The following LRBA variants were observed in gnomAD, a reference collection of about 807,000 sequenced individuals.
The protein encoded by LRBA is LPS responsive beige-like anchor protein, also known as lipopolysaccharide-responsive and beige-like anchor protein.
In LRBA, 176 loss-of-function variants were observed where a neutral mutation model predicts 330.0. The ratio of observed to expected loss-of-function variants is 0.53; its 90% confidence interval spans 0.47 to 0.60. The LOEUF (loss-of-function observed/expected upper bound fraction) is 0.60, where lower values mean the gene tolerates loss of function less well. LRBA is among the 20% of genes least tolerant of loss of function. The probability of loss-of-function intolerance (pLI) is 0.00; values close to 1 mark genes in which losing one functional copy is unlikely to be tolerated. For synonymous variants in LRBA, 1,230 were observed against 1,193.0 expected (o/e 1.03, Z -0.64); for missense variants, 3,259 against 3,444.8 (o/e 0.95, Z 1.35).
rs966496189 is a variant in LRBA at position 150,541,198 on chromosome 4, G to A, written c.6330+46850C>T. Among the ~76,000 whole-genome samples the A allele has an allele frequency of 1.8e-4, 27 of 152,146 alleles. 1 individual carries two copies. Among genetic ancestry groups the A allele is most frequent in the Non-Finnish European group, 4.4e-5 (3 of 68,026 alleles). ...TTCCACGTATTATGTTTAAGTTCCA[G>A]GGAGGAAGAAGGGAAAGGAGAAGGA... is the stretch of plus-strand genomic sequence containing the variant. On this transcript the variant is annotated intron_variant, in intron 40 of 56. Transcript: ENST00000651943.
intron 34 of LRBA, among the ~76,000 whole-genome samples, chr4:150,784,302 C>T (rs1738703811): frequency 6.6e-6 from 1 of 152,190 alleles, no homozygotes; most frequent in African/African-American, 2.4e-5. Context: ...TTTAAAGCTG[C>T]TTCAGAAACG....
At chr4:150,732,406 G>A (rs1396768986) in intron 36 of LRBA, among the ~76,000 whole-genome samples, 1 of 151,936 alleles carries the variant, frequency 6.6e-6, no homozygotes, top group African/African-American at 2.4e-5. Flanking sequence ...TGTACTTTCT[G>A]TTAACAATAC....
At chr4:150,600,626 A>C (rs1396906715) in intron 37 of LRBA, among the ~76,000 whole-genome samples, 1 of 152,172 alleles carries the variant, frequency 6.6e-6, no homozygotes, top group Non-Finnish European at 1.5e-5. Context: ...AATACAAAAA[A>C]AGTATAAGAA....
At position 150,683,656 on chromosome 4, in the gene LRBA, ATC is replaced by A; in HGVS notation, c.5814_5815del (p.Leu1938PhefsTer8). ...GTGGTCACGATATTTTGCTGCTCTTATCAAATGATCACACATCTTCTCATCTT... is the reference window on the plus strand; with the variant it reads ...GTGGTCACGATATTTTGCTGCTCTTAAAATGATCACACATCTTCTCATCTT... On this transcript the variant is annotated frameshift_variant, in exon 37 of 57. Transcript: ENST00000651943. LOFTEE classifies it high-confidence loss of function. The A allele has an allele frequency of 1.2e-6, 2 of 1,613,880 alleles. No individual in the cohort carries two copies. Among genetic ancestry groups the A allele is most frequent in the Non-Finnish European group, 1.7e-6 (2 of 1,179,826 alleles).
chr4:150,704,681 T>C (rs965374130), intron 36 of LRBA, among the ~76,000 whole-genome samples: 1 of 152,168 alleles, frequency 6.6e-6, no homozygotes, highest in Non-Finnish European at 1.5e-5. Context: ...ACAAAATAAG[T>C]TGAAGCAGCA....
intron 28 of LRBA, among the ~76,000 whole-genome samples, chr4:150,842,749 A>G (rs1296198666): frequency 1.3e-5 from 2 of 152,216 alleles, no homozygotes; most frequent in Admixed American, 6.5e-5. Flanking sequence ...CCTCTTACTA[A>G]TTGTATAATC....
chr4:150,325,803 A>C lies in LRBA; in HGVS notation c.7452+6T>G, dbSNP rs1733171397. The C allele has an allele frequency of 6.3e-7, 1 of 1,596,618 alleles. No individual in the cohort carries two copies. The highest frequency in any genetic ancestry group is 8.6e-7 in the Non-Finnish European group (1 of 1,164,254). ...AAGAAATGAGGAGAGTAAAAATAGC[A>C]CTTACCACTTGCATGGCAGAACCTC... is the stretch of plus-strand genomic sequence containing the variant. On this transcript the variant is annotated splice_donor_region_variant and intron_variant, in intron 49 of 56. Transcript: ENST00000651943.
chr4:150,373,331 A>T (rs1354836), intron 47 of LRBA, among the ~76,000 whole-genome samples: 37,987 of 151,938 alleles, frequency 0.25, 4,852 homozygotes, highest in East Asian at 0.34. Context: ...ACATAGCAAC[A>T]AACAACCAAT....
intron 44 of LRBA, among the ~76,000 whole-genome samples, chr4:150,447,002 G>T (rs962949093): frequency 6.6e-6 from 1 of 152,006 alleles, no homozygotes; most frequent in Non-Finnish European, 1.5e-5. Flanking sequence ...ACTTATGAGG[G>T]ACTAGAAATA....
At chr4:150,495,962 T>A (rs1245872102) in intron 40 of LRBA, among the ~76,000 whole-genome samples, 2 of 152,202 alleles carry the variant, frequency 1.3e-5, no homozygotes, top group African/African-American at 4.8e-5. Context: ...AAGCTTTCAA[T>A]TGTTTTAAAT....
At chr4:150,460,124 T>G (rs1440093980) in intron 44 of LRBA, among the ~76,000 whole-genome samples, 1 of 151,654 alleles carries the variant, frequency 6.6e-6, no homozygotes, top group Admixed American at 6.6e-5. Context: ...CAGAGCAGAC[T>G]AAAAGGACTG....
At chr4:150,834,154 T>G (rs1328690462) in intron 28 of LRBA, among the ~76,000 whole-genome samples, 3 of 152,206 alleles carry the variant, frequency 2.0e-5, no homozygotes, top group Admixed American at 2.0e-4. Flanking sequence ...AAGTCATCCA[T>G]GAGAATTGTA....
chr4:150,488,988 TAA>T (rs1758251560), intron 41 of LRBA, among the ~76,000 whole-genome samples: 1 of 126,566 alleles, frequency 7.9e-6, no homozygotes, highest in Non-Finnish European at 1.6e-5. Flanking sequence ...ATATAACATA[TAA>T]TATATATAAG....
intron 35 of LRBA, among the ~76,000 whole-genome samples, chr4:150,744,450 T>A (rs1732423747): frequency 6.6e-6 from 1 of 152,238 alleles, no homozygotes; most frequent in Admixed American, 6.5e-5. Flanking sequence ...TGTAATATTC[T>A]CAGCTTTAAT....
intron 37 of LRBA, among the ~76,000 whole-genome samples, chr4:150,613,814 A>T (rs1172129557): frequency 1.3e-5 from 2 of 152,192 alleles, no homozygotes; most frequent in Admixed American, 1.3e-4. Context: ...TGATGAATTG[A>T]TTCTTGGGTC....
intron 37 of LRBA, among the ~76,000 whole-genome samples, chr4:150,669,976 G>C (rs1561496091): frequency 6.6e-6 from 1 of 152,150 alleles, no homozygotes; most frequent in Non-Finnish European, 1.5e-5. Flanking sequence ...ATGTCAAGAA[G>C]TCTTCTTACT....
intron 34 of LRBA, among the ~76,000 whole-genome samples, chr4:150,792,916 A>C (rs1187881299): frequency 6.6e-6 from 1 of 152,128 alleles, no homozygotes; most frequent in African/African-American, 2.4e-5. Context: ...CCCCGTCTCT[A>C]ATAAAAATAC....
chr4:150,745,779 G>T (rs979889872), intron 35 of LRBA, among the ~76,000 whole-genome samples: 7 of 152,128 alleles, frequency 4.6e-5, no homozygotes, highest in African/African-American at 1.7e-4. Flanking sequence ...CTCCCAAAGT[G>T]CTGGGATTAC....
At chr4:150,288,453 C>CA (rs1162381283) in intron 53 of LRBA, among the ~76,000 whole-genome samples, 8 of 152,150 alleles carry the variant, frequency 5.3e-5, no homozygotes, top group African/African-American at 1.9e-4. Context: ...ACTAAAAATA[C>CA]AAAAAATTAG....
Sources: gnomAD v4.1 joint callset for allele counts (sites outside exome capture counted in the v4.1 genomes callset) on GRCh38, gnomAD v4.1.1 for gene constraint, MANE v1.5 for transcripts, NCBI Gene and HGNC (gene_info 2026-07-23, HGNC 2026-07-21) for gene names.